CDC42BPB: variants seen among roughly 807,000 people sequenced by gnomAD.
CDC42BPB encodes serine/threonine-protein kinase MRCK beta.
In CDC42BPB, 37 loss-of-function variants were observed where a neutral mutation model predicts 214.9. That is an observed-to-expected ratio of 0.17 (90% CI 0.13 to 0.23). The LOEUF (loss-of-function observed/expected upper bound fraction) is 0.23, where lower values mean the gene tolerates loss of function less well. CDC42BPB is among the 10% of genes least tolerant of loss of function. The pLI, the probability that CDC42BPB is intolerant of heterozygous loss-of-function variation, is 1.00. For synonymous variants in CDC42BPB, 931 were observed against 884.0 expected (o/e 1.05, Z -0.94); for missense variants, 1,694 against 2,227.0 (o/e 0.76, Z 4.82).
chr14:102,974,116 G>A lies in CDC42BPB; in HGVS notation c.1541C>T (p.Thr514Ile), dbSNP rs143474150. Reference sequence around the variant, plus strand: ...CTCACGCTCTTGGCGAAGCGCCACTGTGTCCTCAAGCTGTCGCTCGAGCCT... The same window carrying A: ...CTCACGCTCTTGGCGAAGCGCCACTATGTCCTCAAGCTGTCGCTCGAGCCT... ...SNRLERQLED[T>I]VALRQEREDS... The change falls in exon 12 of 37, where the codon ACA becomes ATA. Residue 514 changes from threonine to isoleucine, a missense_variant. By Grantham distance (89) the Thr-to-Ile change is moderately conservative. Transcript: ENST00000361246. 5.0e-6 allele frequency: 8 copies of A among 1,613,860 alleles called. No individual in the cohort carries two copies. In the African/African-American group the frequency reaches 1.1e-4, roughly 22 times the overall value.
intron 1 of CDC42BPB, among the ~76,000 whole-genome samples, chr14:103,054,316 AGAT>A (rs1421272792): frequency 6.6e-6 from 1 of 152,196 alleles, no homozygotes; most frequent in Admixed American, 6.5e-5. Flanking sequence ...ATACCTGGCA[AGAT>A]TTGGGAAGTG....
At chr14:102,962,659 G>A (rs1239939789) in intron 20 of CDC42BPB, among the ~76,000 whole-genome samples, 1 of 152,186 alleles carries the variant, frequency 6.6e-6, no homozygotes, top group East Asian at 1.9e-4. Flanking sequence ...AGACCAGCCT[G>A]GCCAACGTGG....
chr14:102,947,157 GAGCTGTGATTTAGTAA>G (rs1892219570), intron 27 of CDC42BPB, among the ~76,000 whole-genome samples: 1 of 152,198 alleles, frequency 6.6e-6, no homozygotes, highest in Non-Finnish European at 1.5e-5. Flanking sequence ...TTTCTGAATA[GAGCTGTGATTTAGTAA>G]AAGCTAATTT....
chr14:102,950,698 G>A (rs1252391079), intron 24 of CDC42BPB, 96 bp from the exon 25 acceptor site: 9 of 1,388,490 alleles, frequency 6.5e-6, no homozygotes, highest in African/African-American at 1.5e-5. Context: ...ATAATCACCA[G>A]GTCTCGCCTG....
At position 102,974,281 on chromosome 14, in the gene CDC42BPB, TACACACACACACACACACAC is replaced by T. The variant is rs71119749; in HGVS notation, c.1508-152_1508-133del. 5.9e-5 allele frequency: 77 copies of T among 1,316,052 alleles called. No homozygotes were observed. In the East Asian group the frequency reaches 6.1e-4, roughly 10 times the overall value. 81.5% of individuals were successfully genotyped at this position (1,316,052 alleles called of 1,614,324 possible). A position where few individuals can be genotyped will look rare whatever the true frequency, so the allele number is the denominator to read the frequency against. On this transcript the variant is annotated intron_variant, in intron 11 of 36. Transcript: ENST00000361246. ...TTTTTCATTCAGAGGTTTTTTTACT[TACACACACACACACACACAC>T]ACACACACACACACACACAGTGTCA...
rs753011957 is a variant in CDC42BPB at position 102,954,236 on chromosome 14, A to G, written c.3028T>C (p.Leu1010=). 5.2e-6 allele frequency: 8 copies of G among 1,546,392 alleles called. No individual in the cohort carries two copies. In the South Asian group the frequency reaches 9.6e-5, roughly 19 times the overall value. The part of the protein sequence containing the change: ...RPPQRPSAVP[L]PTTQALALAG... ...AGAGCCAGGGCCTGCGTGGTGGGCA[A>G]CGGCACAGCGGATGGCCTCTGCGGG... The change falls in exon 23 of 37, where the codon TTG becomes CTG. Residue 1010 remains leucine (L), a synonymous_variant. Transcript: ENST00000361246.
chr14:102,984,947 T>C (rs1894168831), intron 6 of CDC42BPB, among the ~76,000 whole-genome samples: 2 of 152,232 alleles, frequency 1.3e-5, no homozygotes, highest in East Asian at 1.9e-4. Context: ...ACTGGGGTGT[T>C]GGGCGGTGAC....
intron 28 of CDC42BPB, among the ~76,000 whole-genome samples, 194 bp from the exon 29 acceptor site, chr14:102,945,918 G>C (rs1225062283): frequency 6.6e-6 from 1 of 152,236 alleles, no homozygotes; most frequent in African/African-American, 2.4e-5. Context: ...CCGGCTGACT[G>C]TGGGATTGAG....
At chr14:102,980,265 T>TG (rs1233915464) in intron 8 of CDC42BPB, among the ~76,000 whole-genome samples, 1 of 152,142 alleles carries the variant, frequency 6.6e-6, no homozygotes, top group Non-Finnish European at 1.5e-5. Context: ...GAGGCAGAGG[T>TG]GGGCGGATCA....
At chr14:102,986,644 C>G (rs186569388) in intron 5 of CDC42BPB, 64 bp from the exon 6 acceptor site, 1 of 1,585,776 alleles carries the variant, frequency 6.3e-7, no homozygotes, top group African/African-American at 1.3e-5. Flanking sequence ...GATCAAAGCC[C>G]TTAACTAGTG....
rs750051862 is a variant in CDC42BPB, at chr14:103,003,961, C to T, written c.414G>A (p.Ala138=). The stretch of plus-strand genomic sequence containing the variant: ...TCTCGTCCTGAAAGGCGTAGTGCAG[C>T]GCGGTGATCCACTGGCAGTCGCCGT... The part of the protein sequence containing the change: ...LVNGDCQWIT[A]LHYAFQDENH... Residue 138 remains alanine, a synonymous_variant, in exon 4 of 37, where the codon GCG becomes GCA. Coordinates refer to ENST00000361246, the MANE Select transcript of CDC42BPB (RefSeq NM_006035.4). The T allele has an allele frequency of 9.9e-6, 16 of 1,611,908 alleles. No individual in the cohort carries two copies. The highest frequency in any genetic ancestry group is 1.7e-5 in the Admixed American group (1 of 59,982).
intron 1 of CDC42BPB, among the ~76,000 whole-genome samples, chr14:103,037,273 A>C (rs1159791641): frequency 3.3e-5 from 5 of 152,098 alleles, no homozygotes; most frequent in African/African-American, 1.2e-4. Context: ...TGTACTGCTT[A>C]AATTTATTTT....
At chr14:102,993,536 A>G (rs980974690) in intron 5 of CDC42BPB, among the ~76,000 whole-genome samples, 2 of 151,948 alleles carry the variant, frequency 1.3e-5, no homozygotes, top group Non-Finnish European at 1.5e-5. Flanking sequence ...GAGAGGATGG[A>G]AGGATGGAGG....
chr14:103,057,430 G>A lies in CDC42BPB; in HGVS notation c.-257C>T. ...TCGGCGCCGCCGCCCTCCCAGCTCG[G>A]GCGGCCCGCCCCCGCCGCCCTCAGC... On this transcript the variant is annotated 5_prime_UTR_variant, in exon 1 of 37. Coordinates refer to ENST00000361246, the MANE Select transcript of CDC42BPB (RefSeq NM_006035.4). The A allele has an allele frequency of 1.6e-6, 1 of 610,546 alleles. No homozygotes were observed. The highest frequency in any genetic ancestry group is 2.0e-6 in the Non-Finnish European group (1 of 489,286). 37.8% of individuals were successfully genotyped at this position (610,546 alleles called of 1,614,324 possible). A position where few individuals can be genotyped will look rare whatever the true frequency, so the allele number is the denominator to read the frequency against.
intron 9 of CDC42BPB, among the ~76,000 whole-genome samples, chr14:102,977,442 G>A (rs1893804425): frequency 2.0e-5 from 3 of 151,818 alleles, no homozygotes; most frequent in South Asian, 4.2e-4. Context: ...CAGATTCTGT[G>A]GCACAGTGGG....
chr14:102,999,515 CT>C, intron 5 of CDC42BPB, 49 bp downstream of exon 5: 3 of 1,598,538 alleles, frequency 1.9e-6, no homozygotes, highest in Non-Finnish European at 2.6e-6. Flanking sequence ...TGAAAGGAGT[CT>C]TTTAACAATT....
chr14:103,014,478 C>T (rs1010985098), intron 1 of CDC42BPB, among the ~76,000 whole-genome samples: 3 of 152,132 alleles, frequency 2.0e-5, no homozygotes, highest in South Asian at 2.1e-4. Flanking sequence ...GTGAAGTGCA[C>T]AGGGCCCTCT....
intron 8 of CDC42BPB, 96 bp downstream of exon 8, chr14:102,980,677 T>G: frequency 8.2e-7 from 1 of 1,223,488 alleles, no homozygotes; most frequent in Non-Finnish European, 1.2e-6. Context: ...ATTTCACAGC[T>G]TTATGGTGTA....
chr14:103,041,581 C>A, intron 1 of CDC42BPB: 2 of 1,088,042 alleles, frequency 1.8e-6, no homozygotes, highest in South Asian at 1.3e-5. Flanking sequence ...CAAGGCCGGG[C>A]AAGCTAAAGT....
Sources: allele counts gnomAD v4.1 joint callset (sites outside exome capture counted in the v4.1 genomes callset), GRCh38; gene constraint gnomAD v4.1.1; transcripts MANE v1.5; gene names NCBI Gene and HGNC (gene_info 2026-07-23, HGNC 2026-07-21).